Variants in NIBAN1 observed in about 807,000 individuals in gnomAD.
The protein encoded by NIBAN1 is protein Niban 1.
NIBAN1 carries 81 observed loss-of-function variants against 75.1 expected under a neutral mutation model. The observed-to-expected ratio is 1.08, with a 90% confidence interval of 0.90 to 1.30. NIBAN1 has a LOEUF of 1.30. NIBAN1 is among the 50% of genes most tolerant of loss of function. NIBAN1 has a pLI of 0.00. For missense variants in NIBAN1, 1,133 were observed against 1,128.1 expected, an observed-to-expected ratio of 1.00 and a Z score of -0.06; for synonymous variants, 436 against 424.8, an observed-to-expected ratio of 1.03 and a Z score of -0.32.
At chr1:184,875,417 G>T (rs1200125124) in intron 5 of NIBAN1, among the ~76,000 whole-genome samples, 1 of 152,212 alleles carries the variant, frequency 6.6e-6, no homozygotes, top group Non-Finnish European at 1.5e-5. Flanking sequence ...AGGTTTGACA[G>T]AATAGAAGCA....
chr1:184,857,197 G>A (rs560653635), intron 5 of NIBAN1, among the ~76,000 whole-genome samples: 40 of 152,142 alleles, frequency 2.6e-4, no homozygotes, highest in Non-Finnish European at 3.2e-4. Flanking sequence ...AAGGCTTAGG[G>A]GCTTCCTAAC....
At chr1:184,943,894 G>A (rs527655399) in intron 1 of NIBAN1, among the ~76,000 whole-genome samples, 4 of 152,158 alleles carry the variant, frequency 2.6e-5, no homozygotes, top group South Asian at 4.1e-4. Flanking sequence ...GAGTACAACC[G>A]AAAGGGAAAA....
chr1:184,907,434 C>A (rs765239819), intron 1 of NIBAN1, among the ~76,000 whole-genome samples: 1 of 152,180 alleles, frequency 6.6e-6, no homozygotes, highest in Middle Eastern at 3.4e-3. Flanking sequence ...AGAAATAAGA[C>A]AAATGGTTCT....
At chr1:184,819,254 C>G (rs556291138) in intron 8 of NIBAN1, among the ~76,000 whole-genome samples, 1 of 152,138 alleles carries the variant, frequency 6.6e-6, no homozygotes, top group Admixed American at 6.5e-5. Context: ...TTCCATCCTC[C>G]TCTCCCCACC....
chr1:184,935,549 T>G (rs556797566), intron 1 of NIBAN1, among the ~76,000 whole-genome samples: 1 of 152,128 alleles, frequency 6.6e-6, no homozygotes, highest in Non-Finnish European at 1.5e-5. Context: ...GGGGCAATAA[T>G]CTAACGTTGA....
chr1:184,900,118 C>T (rs1040265014), intron 1 of NIBAN1, among the ~76,000 whole-genome samples: 1 of 152,000 alleles, frequency 6.6e-6, no homozygotes, highest in Non-Finnish European at 1.5e-5. Context: ...ACCTGGCCAT[C>T]ACTCCCTTTT....
chr1:184,878,791 C>T (rs1030727816), intron 5 of NIBAN1, among the ~76,000 whole-genome samples: 4 of 152,112 alleles, frequency 2.6e-5, no homozygotes, highest in African/African-American at 9.7e-5. Context: ...CGTCAAAGGC[C>T]AGGTATTGGG....
chr1:184,970,269 A>T (rs546795682), intron 1 of NIBAN1, among the ~76,000 whole-genome samples: 3 of 152,104 alleles, frequency 2.0e-5, no homozygotes, highest in Non-Finnish European at 4.4e-5. Flanking sequence ...TCATCATAGT[A>T]TATTGCCATT....
intron 1 of NIBAN1, among the ~76,000 whole-genome samples, chr1:184,907,326 T>A (rs1657131636): frequency 6.6e-6 from 1 of 152,222 alleles, no homozygotes; most frequent in South Asian, 2.1e-4. Flanking sequence ...GGTGGTTATT[T>A]CCTGGCAACT....
chr1:184,803,576 T>C lies in NIBAN1; in HGVS notation c.1554+9A>G. 6.2e-7 allele frequency: 1 copy of C among 1,610,006 alleles called. No individual in the cohort carries two copies. The highest frequency in any genetic ancestry group is 2.2e-5 in the East Asian group (1 of 44,862). ...AGAGCAAGCTCTTTAGGGTAACTCATCCCCTTACTGGTTTGCATGTGGACG... is the reference window on the plus strand; with the variant it reads ...AGAGCAAGCTCTTTAGGGTAACTCACCCCCTTACTGGTTTGCATGTGGACG... On this transcript the variant is annotated intron_variant, in intron 12 of 13. Transcript: ENST00000367511.
rs1048163735 is a variant in NIBAN1 at position 184,934,434 on chromosome 1, A to G, written c.56-35125T>C. Among the ~76,000 whole-genome samples the G allele has an allele frequency of 4.6e-5, 7 of 152,322 alleles. 1 individual carries two copies. The South Asian group carries it at 1.2e-3, about 27-fold the overall frequency. On this transcript the variant is annotated intron_variant, in intron 1 of 13. Transcript: ENST00000367511. ...CTCAGTATTATGCAATATACCATGTAACAAACCTGCACATCTACCCCTTGA... is the reference window on the plus strand; with the variant it reads ...CTCAGTATTATGCAATATACCATGTGACAAACCTGCACATCTACCCCTTGA...
At chr1:184,906,984 T>G (rs1657122896) in intron 1 of NIBAN1, among the ~76,000 whole-genome samples, 1 of 152,228 alleles carries the variant, frequency 6.6e-6, no homozygotes, top group Non-Finnish European at 1.5e-5. Context: ...TCCCCCAACA[T>G]TCTGTGTCAT....
chr1:184,867,602 C>T (rs1292855782), intron 5 of NIBAN1, among the ~76,000 whole-genome samples: 1 of 152,182 alleles, frequency 6.6e-6, no homozygotes, highest in Non-Finnish European at 1.5e-5. Flanking sequence ...CACCGTGTTT[C>T]CTGGAACAGA....
intron 2 of NIBAN1, among the ~76,000 whole-genome samples, chr1:184,898,445 G>A (rs530136369): frequency 6.6e-6 from 1 of 152,060 alleles, no homozygotes; most frequent in East Asian, 1.9e-4. Context: ...TGAATATCCT[G>A]TCTCTACTAA....
intron 4 of NIBAN1, 98 bp downstream of exon 4, chr1:184,890,010 C>G: frequency 1.1e-6 from 1 of 924,320 alleles, no homozygotes; most frequent in South Asian, 1.4e-5. Flanking sequence ...GCCAAATGTC[C>G]CTGGAGGGAA....
intron 5 of NIBAN1, among the ~76,000 whole-genome samples, chr1:184,843,922 C>T (rs938552876): frequency 6.6e-6 from 1 of 152,186 alleles, no homozygotes; most frequent in Non-Finnish European, 1.5e-5. Context: ...AACTGGGTCA[C>T]GTGCCTCTCA....
intron 8 of NIBAN1, among the ~76,000 whole-genome samples, chr1:184,821,936 T>C (rs905953657): frequency 1.3e-5 from 2 of 152,094 alleles, no homozygotes; most frequent in Non-Finnish European, 2.9e-5. Context: ...GGACCTGTGC[T>C]AAGAACCCTG....
chr1:184,837,074 A>G (rs1279611201), intron 5 of NIBAN1, among the ~76,000 whole-genome samples: 1 of 152,226 alleles, frequency 6.6e-6, no homozygotes, highest in Non-Finnish European at 1.5e-5. Context: ...TTGAGAAGGC[A>G]TTGCTGAGCT....
chr1:184,971,520 A>C (rs148964708), intron 1 of NIBAN1, among the ~76,000 whole-genome samples: 147 of 152,130 alleles, frequency 9.7e-4, no homozygotes, highest in African/African-American at 3.4e-3. Flanking sequence ...AAATACAAAA[A>C]TTAGCTGGGC....
Sources: allele counts gnomAD v4.1 joint callset (sites outside exome capture counted in the v4.1 genomes callset), GRCh38; gene constraint gnomAD v4.1.1; transcripts MANE v1.5; gene names NCBI Gene and HGNC (gene_info 2026-07-23, HGNC 2026-07-21).